INPP5F: variants seen among roughly 807,000 people sequenced by gnomAD.
INPP5F encodes the protein inositol polyphosphate-5-phosphatase F.
In INPP5F, 97 loss-of-function variants were observed where a neutral mutation model predicts 137.2. That is an observed-to-expected ratio of 0.71 (90% confidence interval 0.60 to 0.84). The LOEUF (loss-of-function observed/expected upper bound fraction) is 0.84, where lower values mean the gene tolerates loss of function less well. INPP5F is among the 40% of genes least tolerant of loss of function. The probability of loss-of-function intolerance (pLI) is 0.00; values close to 1 mark genes in which losing one functional copy is unlikely to be tolerated. For missense variants in INPP5F, 1,271 were observed against 1,371.9 expected (o/e 0.93, Z 1.16); for synonymous variants, 504 against 476.9 (o/e 1.06, Z -0.74).
chr10:119,806,477 G>A lies in INPP5F; in HGVS notation c.1437G>A (p.Gln479=). Residue 479 remains glutamine (Q), a synonymous_variant, in exon 12 of 20, where the codon CAG becomes CAA. Transcript: ENST00000650623. ...QAAIARVVME[Q]QLKKLGVMPP... is the part of the protein sequence containing the mutation. ...CCATCGCGAGAGTGGTCATGGAACA[G>A]CAGGTAATTTGGAGTCTGTTGGATT... 6.3e-7 allele frequency: 1 copy of A among 1,596,784 alleles called. No homozygotes were observed. Among genetic ancestry groups the A allele is most frequent in the East Asian group, 2.2e-5 (1 of 44,532 alleles).
intron 2 of INPP5F, among the ~76,000 whole-genome samples, chr10:119,765,884 G>GCT (rs2134150747): frequency 2.3e-5 from 1 of 42,752 alleles, no homozygotes; most frequent in African/African-American, 5.3e-5. Flanking sequence ...TATATATAGA[G>GCT]AGAGAGAGAG....
rs971133164 is a variant in INPP5F at position 119,826,967 on chromosome 10, A to G, written c.2586A>G (p.Glu862=). Residue 862 remains glutamate, a synonymous_variant, in exon 20 of 20, where the codon GAA becomes GAG. Coordinates refer to ENST00000650623, the MANE Select transcript of INPP5F (RefSeq NM_014937.4). ...ATAATGACTCATACCACTCTGATGA[A>G]TTCCTTACAAATTCTAAGTCTGATG... The part of the protein sequence containing the change: ...SSDNDSYHSD[E]FLTNSKSDED... 1.2e-6 allele frequency: 2 copies of G among 1,613,994 alleles called. No individual in the cohort carries two copies. The highest frequency in any genetic ancestry group is 2.7e-5 in the African/African-American group (2 of 74,918).
At chr10:119,764,104 T>G (rs946890501) in intron 2 of INPP5F, among the ~76,000 whole-genome samples, 1 of 152,216 alleles carries the variant, frequency 6.6e-6, no homozygotes, top group African/African-American at 2.4e-5. Flanking sequence ...ATCTCTCTTC[T>G]TTCTGAGTCC....
intron 2 of INPP5F, among the ~76,000 whole-genome samples, chr10:119,762,985 C>G (rs1849050854): frequency 6.6e-6 from 1 of 152,166 alleles, no homozygotes; most frequent in South Asian, 2.1e-4. Flanking sequence ...GTGGGTGAGA[C>G]TCAAGATATG....
chr10:119,814,564 TGAG>T (rs1851187075), intron 15 of INPP5F: 3 of 152,210 alleles, frequency 2.0e-5, no homozygotes, highest in Admixed American at 6.5e-5. Context: ...GCTGTACAGC[TGAG>T]GAGTTCTTCC....
intron 13 of INPP5F, 103 bp from the exon 14 acceptor site, chr10:119,809,997 A>G (rs889040614): frequency 7.1e-6 from 5 of 708,690 alleles, no homozygotes; most frequent in South Asian, 3.5e-5. Flanking sequence ...CTTGGAAATT[A>G]TAAAAGCCTG....
In INPP5F at chr10:119,827,627, T is replaced by C. The variant is rs1439473858; in HGVS notation, c.3246T>C (p.Ala1082=). ...AKIRSSMVQV[A]SITQAGLTHG... is the part of the protein sequence containing the mutation. ...TTCGAAGTTCCATGGTCCAGGTTGC[T>C]AGTATTACCCAAGCTGGATTAACCC... The change falls in exon 20 of 20, where the codon GCT becomes GCC. Residue 1082 remains alanine, a synonymous_variant. Transcript: ENST00000650623. 6.2e-7 allele frequency: 1 copy of C among 1,614,064 alleles called. No individual in the cohort carries two copies. Among genetic ancestry groups the C allele is most frequent in the Non-Finnish European group, 8.5e-7 (1 of 1,180,034 alleles).
At position 119,791,634 on chromosome 10, in the gene INPP5F, A is replaced by G. The variant is rs986439045; in HGVS notation, c.433A>G (p.Asn145Asp). The G allele has an allele frequency of 6.9e-6, 11 of 1,601,786 alleles. No individual in the cohort carries two copies. Among genetic ancestry groups the G allele is most frequent in the African/African-American group, 1.3e-5 (1 of 74,578 alleles). Residue 145 changes from asparagine (N) to aspartate (D), a missense_variant, in exon 4 of 20, where the codon AAT becomes GAT. Physicochemically the swap from Asn to Asp is conservative, Grantham distance 23. This residue lies in a region of INPP5F where 62 missense variants were observed against 55.0 expected (regional missense o/e 1.13). Transcript: ENST00000650623. The stretch of plus-strand genomic sequence containing the variant: ...TATTAAATCCAATGTGTCTGCTCCT[A>G]ATAAAAAGAAAGTAAGAGTTTAATT... ...THIKSNVSAPNKKKVKESKEK... is the reference protein window; with the variant it reads ...THIKSNVSAPDKKKVKESKEK...
At chr10:119,763,139 G>A (rs1038362511) in intron 2 of INPP5F, among the ~76,000 whole-genome samples, 2 of 152,202 alleles carry the variant, frequency 1.3e-5, no homozygotes, top group Non-Finnish European at 2.9e-5. Flanking sequence ...AGAGGCAGTG[G>A]AGCCCTAGTA....
intron 2 of INPP5F, among the ~76,000 whole-genome samples, chr10:119,758,054 TAGGTTGAACAAGCTGGGGCTGC>T (rs1375214544): frequency 6.6e-6 from 1 of 152,232 alleles, no homozygotes; most frequent in Non-Finnish European, 1.5e-5. Flanking sequence ...GCTGGGGCTG[TAGGTTGAACAAGCTGGGGCTGC>T]AGGTCGAAGC....
chr10:119,808,174 CT>C, intron 13 of INPP5F, 114 bp downstream of exon 13: 1 of 1,295,676 alleles, frequency 7.7e-7, no homozygotes, highest in Admixed American at 2.5e-5. Context: ...GTAGTTGACT[CT>C]TTTCTGAAAT....
chr10:119,827,928 A>T lies in INPP5F; in HGVS notation c.*148A>T. ...TTAAACGGAGTCGGAACCTGAGTAG[A>T]TTTCCAAATTTTACAGCCAGGACTA... On this transcript the variant is annotated 3_prime_UTR_variant, in exon 20 of 20. Coordinates refer to ENST00000650623, the MANE Select transcript of INPP5F (RefSeq NM_014937.4). 1.6e-6 allele frequency: 1 copy of T among 640,722 alleles called. No homozygotes were observed. The highest frequency in any genetic ancestry group is 2.6e-6 in the Non-Finnish European group (1 of 379,318). The allele number at this position is 640,722 out of a possible 1,614,324, so 39.7% of individuals were successfully genotyped here.
chr10:119,811,942 GACT>G lies in INPP5F; in HGVS notation c.1874_1876del (p.Asp625_Cys626delinsGly), dbSNP rs756654601. The G allele has an allele frequency of 6.2e-7, 1 of 1,614,030 alleles. No homozygotes were observed. Among genetic ancestry groups the G allele is most frequent in the Non-Finnish European group, 8.5e-7 (1 of 1,179,912 alleles). On this transcript the variant is annotated inframe_deletion, in exon 15 of 20. Coordinates refer to ENST00000650623, the MANE Select transcript of INPP5F (RefSeq NM_014937.4). ...GTTCCATGGGGGCTGGGCCCTCATT[GACT>G]GTGACCCTAGGTGAGTTGGAGTGGT...
At chr10:119,753,551 T>C (rs2420642) in intron 2 of INPP5F, among the ~76,000 whole-genome samples, 42,466 of 151,992 alleles carry the variant, frequency 0.28, 6,198 homozygotes, top group East Asian at 0.49. Context: ...ACCTGGCCCC[T>C]CTCTCCATGT....
intron 15 of INPP5F, among the ~76,000 whole-genome samples, chr10:119,818,410 C>G (rs1851377893): frequency 6.6e-6 from 1 of 152,246 alleles, no homozygotes; most frequent in Non-Finnish European, 1.5e-5. Flanking sequence ...CAGCCACTGT[C>G]TCTTAGGCAT....
intron 13 of INPP5F, among the ~76,000 whole-genome samples, chr10:119,809,748 G>T (rs1850954618): frequency 6.6e-6 from 1 of 152,140 alleles, no homozygotes; most frequent in Admixed American, 6.5e-5. Flanking sequence ...ATCGGTTTTT[G>T]AATATTACAC....
intron 9 of INPP5F, among the ~76,000 whole-genome samples, chr10:119,802,764 T>TA (rs1450282950): frequency 6.6e-6 from 1 of 152,360 alleles, no homozygotes; most frequent in African/African-American, 2.4e-5. Flanking sequence ...TTAAATTTGA[T>TA]ACCACTCTGT....
intron 9 of INPP5F, among the ~76,000 whole-genome samples, chr10:119,802,473 A>G (rs543382353): frequency 6.6e-5 from 10 of 152,194 alleles, no homozygotes; most frequent in Non-Finnish European, 1.2e-4. Context: ...ACATGCATAT[A>G]CACAATAAAA....
At chr10:119,737,472 A>G (rs1364924194) in intron 1 of INPP5F, among the ~76,000 whole-genome samples, 1 of 152,160 alleles carries the variant, frequency 6.6e-6, no homozygotes, top group Non-Finnish European at 1.5e-5. Context: ...GCCCTAACCA[A>G]TTGAGACCAT....
Sources: gnomAD v4.1 joint callset for allele counts (sites outside exome capture counted in the v4.1 genomes callset) on GRCh38, gnomAD v4.1.1 for gene constraint, gnomAD v4.1.1 regional missense constraint, MANE v1.5 for transcripts, NCBI Gene and HGNC (gene_info 2026-07-23, HGNC 2026-07-21) for gene names.